Variants in UNC5D observed in about 807,000 individuals in gnomAD.
The protein encoded by UNC5D is netrin receptor UNC5D.
Under a neutral mutation model 105.4 loss-of-function variants are expected in UNC5D, and 39 were observed. The ratio of observed to expected loss-of-function variants is 0.37; its 90% confidence interval spans 0.29 to 0.48. The LOEUF (loss-of-function observed/expected upper bound fraction) is 0.48, where lower values mean the gene tolerates loss of function less well. Ranked by LOEUF, UNC5D falls within the 20% of genes least tolerant of loss-of-function variation. UNC5D has a pLI of 0.98. For missense variants in UNC5D, 991 were observed against 1,202.4 expected, an observed-to-expected ratio of 0.82 and a Z score of 2.60; for synonymous variants, 452 against 450.4, an observed-to-expected ratio of 1.00 and a Z score of -0.04.
intron 4 of UNC5D, among the ~76,000 whole-genome samples, chr8:35,634,646 A>G (rs899667968): frequency 6.6e-6 from 1 of 152,200 alleles, no homozygotes; most frequent in African/African-American, 2.4e-5. Flanking sequence ...AGGGGGGAAA[A>G]AACAGACAAT....
chr8:35,760,917 T>C (rs1289575275), intron 14 of UNC5D, among the ~76,000 whole-genome samples: 1 of 152,170 alleles, frequency 6.6e-6, no homozygotes, highest in African/African-American at 2.4e-5. Flanking sequence ...ATTCAGGATT[T>C]TTAAACTGGA....
intron 1 of UNC5D, among the ~76,000 whole-genome samples, chr8:35,479,060 T>A (rs1810305085): frequency 6.6e-6 from 1 of 152,186 alleles, no homozygotes; most frequent in African/African-American, 2.4e-5. Flanking sequence ...ACATCTTCAG[T>A]ACTGGATTGC....
At chr8:35,303,592 C>T (rs1040982673) in intron 1 of UNC5D, among the ~76,000 whole-genome samples, 1 of 152,126 alleles carries the variant, frequency 6.6e-6, no homozygotes, top group East Asian at 1.9e-4. Flanking sequence ...AATTCTGTTG[C>T]ATAGCAGAAG....
intron 1 of UNC5D, among the ~76,000 whole-genome samples, chr8:35,486,977 G>A (rs1401990969): frequency 6.6e-6 from 1 of 152,140 alleles, no homozygotes; most frequent in Non-Finnish European, 1.5e-5. Flanking sequence ...GCTCAGGCTA[G>A]ACAGTGACAG....
chr8:35,272,079 T>C (rs908535382), intron 1 of UNC5D, among the ~76,000 whole-genome samples: 2 of 151,798 alleles, frequency 1.3e-5, no homozygotes, highest in African/African-American at 2.4e-5. Flanking sequence ...ACAGCAGCTG[T>C]GGAATGGAAT....
chr8:35,463,250 C>G (rs1809031132), intron 1 of UNC5D, among the ~76,000 whole-genome samples: 1 of 152,122 alleles, frequency 6.6e-6, no homozygotes, highest in South Asian at 2.1e-4. Flanking sequence ...ACTGGTGTAG[C>G]TATCAGACTT....
intron 14 of UNC5D, among the ~76,000 whole-genome samples, chr8:35,763,016 C>G (rs1801610738): frequency 6.6e-6 from 1 of 152,160 alleles, no homozygotes; most frequent in Non-Finnish European, 1.5e-5. Context: ...TATTACTTTC[C>G]ACATAATTCC....
At chr8:35,365,285 AT>A (rs1477851793) in intron 1 of UNC5D, among the ~76,000 whole-genome samples, 1 of 151,820 alleles carries the variant, frequency 6.6e-6, no homozygotes, top group South Asian at 2.1e-4. Context: ...AGATGCATAG[AT>A]TTTTTTTATA....
intron 1 of UNC5D, among the ~76,000 whole-genome samples, chr8:35,515,400 T>C (rs963424919): frequency 1.3e-5 from 2 of 152,128 alleles, no homozygotes; most frequent in African/African-American, 4.8e-5. Context: ...AATACAGATT[T>C]AGGGCTGGGT....
chr8:35,310,757 A>T (rs1318497621), intron 1 of UNC5D, among the ~76,000 whole-genome samples: 1 of 152,012 alleles, frequency 6.6e-6, no homozygotes, highest in East Asian at 1.9e-4. Flanking sequence ...TCTTTTTAGG[A>T]TACTAGTGCC....
chr8:35,712,728 T>C (rs1207924620), intron 8 of UNC5D, among the ~76,000 whole-genome samples: 2 of 152,194 alleles, frequency 1.3e-5, no homozygotes, highest in African/African-American at 4.8e-5. Flanking sequence ...CAATTTAGCA[T>C]GCTCTTTTAG....
rs185024676 is a variant in UNC5D at position 35,436,966 on chromosome 8, A to G, written c.104-112326A>G. ...GCAATACTTGAATCTTATTCAATTT[A>G]TTACTGTCATTTACTACACAGGAAC... On this transcript the variant is annotated intron_variant, in intron 1 of 16. Transcript: ENST00000404895. Among the ~76,000 whole-genome samples the G allele has an allele frequency of 3.2e-3, 485 of 152,076 alleles. 3 individuals are homozygous for G. Among genetic ancestry groups the G allele is most frequent in the African/African-American group, 0.011 (466 of 41,504 alleles).
At chr8:35,369,780 A>G (rs541918446) in intron 1 of UNC5D, among the ~76,000 whole-genome samples, 3 of 152,328 alleles carry the variant, frequency 2.0e-5, no homozygotes, top group Admixed American at 2.0e-4. Context: ...TATAAAGAGC[A>G]GACCTATGTC....
chr8:35,725,653 T>C (rs572956056), intron 9 of UNC5D, among the ~76,000 whole-genome samples: 13 of 152,138 alleles, frequency 8.5e-5, no homozygotes, highest in Non-Finnish European at 8.8e-5. Flanking sequence ...CAGAATTCCG[T>C]ATGAAATGCA....
intron 7 of UNC5D, among the ~76,000 whole-genome samples, chr8:35,699,764 A>C (rs1271688651): frequency 6.6e-6 from 1 of 152,178 alleles, no homozygotes; most frequent in African/African-American, 2.4e-5. Context: ...GAACTGAACT[A>C]ACCTAGTACT....
At chr8:35,758,891 T>C (rs188374819) in intron 13 of UNC5D, among the ~76,000 whole-genome samples, 2 of 152,180 alleles carry the variant, frequency 1.3e-5, no homozygotes, top group East Asian at 3.9e-4. Flanking sequence ...TGAAGAAAAA[T>C]TGAACCAGAA....
intron 1 of UNC5D, among the ~76,000 whole-genome samples, chr8:35,347,499 C>G (rs1219526950): frequency 2.6e-5 from 4 of 151,894 alleles, no homozygotes; most frequent in Non-Finnish European, 5.9e-5. Context: ...CTCGGAATAT[C>G]AATATAAAGA....
intron 1 of UNC5D, among the ~76,000 whole-genome samples, chr8:35,282,316 A>C (rs1806245484): frequency 6.6e-6 from 1 of 152,260 alleles, no homozygotes; most frequent in East Asian, 1.9e-4. Flanking sequence ...TTACTGATAA[A>C]ATTTGGTTGC....
At chr8:35,759,228 C>A in intron 13 of UNC5D, 92 bp from the exon 14 acceptor site, 1 of 1,389,716 alleles carries the variant, frequency 7.2e-7, no homozygotes, top group Non-Finnish European at 1.0e-6. Flanking sequence ...GTGGAAGACA[C>A]ATGGTAGTGA....
Sources: gnomAD v4.1 joint callset for allele counts (sites outside exome capture counted in the v4.1 genomes callset) on GRCh38, gnomAD v4.1.1 for gene constraint, MANE v1.5 for transcripts, NCBI Gene and HGNC (gene_info 2026-07-23, HGNC 2026-07-21) for gene names.